PRKCZ: variants seen among roughly 807,000 people sequenced by gnomAD.
PRKCZ encodes the protein protein kinase C zeta, also known as protein kinase C zeta type.
In PRKCZ, 33 loss-of-function variants were observed where a neutral mutation model predicts 79.5. That is an observed-to-expected ratio of 0.41 (90% CI 0.31 to 0.55). The LOEUF is 0.55. Ranked by LOEUF, PRKCZ falls within the 20% of genes least tolerant of loss-of-function variation. PRKCZ has a pLI of 0.19. For synonymous variants in PRKCZ, 342 were observed against 320.9 expected (o/e 1.07, Z -0.70); for missense variants, 578 against 813.5 (o/e 0.71, Z 3.52).
chr1:2,074,232 AG>A, intron 4 of PRKCZ: 1 of 1,550,406 alleles, frequency 6.4e-7, no homozygotes, highest in Non-Finnish European at 8.7e-7. Context: ...CTTCTGAGCG[AG>A]GCAGGGGCTG....
intron 4 of PRKCZ, among the ~76,000 whole-genome samples, chr1:2,060,251 C>A (rs1407856324): frequency 1.3e-5 from 2 of 152,270 alleles, no homozygotes; most frequent in Non-Finnish European, 1.5e-5. Context: ...AGGCCGCTGC[C>A]TGTCCAGCGC....
intron 9 of PRKCZ, among the ~76,000 whole-genome samples, chr1:2,151,620 T>G (rs1344805759): frequency 6.6e-6 from 1 of 152,222 alleles, no homozygotes; most frequent in Non-Finnish European, 1.5e-5. Flanking sequence ...ACCAGCTGTT[T>G]CTAGGGGAGA....
intron 7 of PRKCZ, 92 bp downstream of exon 7, chr1:2,146,200 C>T (rs1678478799): frequency 2.3e-6 from 3 of 1,280,378 alleles, no homozygotes; most frequent in Non-Finnish European, 3.4e-6. Flanking sequence ...TTCTCAGTCC[C>T]ATCTGCTCTG....
At chr1:2,095,241 C>T (rs80126817) in intron 4 of PRKCZ, among the ~76,000 whole-genome samples, 3,804 of 152,286 alleles carry the variant, frequency 0.025, 172 homozygotes, top group East Asian at 0.13. Context: ...GCTGGTTTCC[C>T]TGAGGTTCCC....
chr1:2,090,562 A>G (rs1665315507), intron 4 of PRKCZ, among the ~76,000 whole-genome samples: 1 of 152,194 alleles, frequency 6.6e-6, no homozygotes. Flanking sequence ...CCCTGGGGTC[A>G]GAGCCCACCC....
chr1:2,121,225 G>C (rs79748977), intron 4 of PRKCZ, among the ~76,000 whole-genome samples: 1 of 152,186 alleles, frequency 6.6e-6, no homozygotes, highest in African/African-American at 2.4e-5. Context: ...CCAGTGTGGC[G>C]GGGGCAGTCT....
At chr1:2,095,668 C>T (rs1666332784) in intron 4 of PRKCZ, among the ~76,000 whole-genome samples, 1 of 151,908 alleles carries the variant, frequency 6.6e-6, no homozygotes, top group South Asian at 2.1e-4. Flanking sequence ...GGGCTCACGT[C>T]CGTGTGCTTG....
chr1:2,103,784 T>G (rs1571393873), intron 4 of PRKCZ, among the ~76,000 whole-genome samples: 1 of 152,138 alleles, frequency 6.6e-6, no homozygotes, highest in Non-Finnish European at 1.5e-5. Flanking sequence ...GAAGGGCCTC[T>G]GGGGCGGCGG....
chr1:2,062,073 G>A (rs1364030048), intron 4 of PRKCZ, among the ~76,000 whole-genome samples: 2 of 152,072 alleles, frequency 1.3e-5, no homozygotes, highest in Admixed American at 6.5e-5. Context: ...GGTTCAGACG[G>A]CTGGACGTGC....
intron 10 of PRKCZ, among the ~76,000 whole-genome samples, chr1:2,160,671 C>G (rs1682066650): frequency 6.6e-6 from 1 of 152,052 alleles, no homozygotes; most frequent in Admixed American, 6.5e-5. Context: ...GAGGGACCTG[C>G]TGGGCCTGTC....
chr1:2,107,638 C>T (rs1375629369), intron 4 of PRKCZ, among the ~76,000 whole-genome samples: 3 of 152,188 alleles, frequency 2.0e-5, no homozygotes, highest in Non-Finnish European at 4.4e-5. Context: ...GAGGATGAGC[C>T]CTGCGAGGTG....
chr1:2,098,738 G>C (rs982083770), intron 4 of PRKCZ, among the ~76,000 whole-genome samples: 5 of 152,280 alleles, frequency 3.3e-5, no homozygotes, highest in Admixed American at 2.0e-4. Flanking sequence ...CTGGAGTGCA[G>C]TGGCGTGATC....
At chr1:2,086,935 A>G (rs920999986) in intron 4 of PRKCZ, among the ~76,000 whole-genome samples, 3 of 152,204 alleles carry the variant, frequency 2.0e-5, no homozygotes, top group East Asian at 1.9e-4. Flanking sequence ...GCCTCCTGCC[A>G]TGCCCATGCC....
At chr1:2,050,280 G>A (rs566387243), upstream of PRKCZ, among the ~76,000 whole-genome samples, 23 of 151,646 alleles carry the variant, frequency 1.5e-4, no homozygotes, top group African/African-American at 4.6e-4. Flanking sequence ...CCATTGGGCC[G>A]CGGCCGGGTG....
intron 10 of PRKCZ, among the ~76,000 whole-genome samples, chr1:2,161,945 C>T (rs1682404849): frequency 1.3e-5 from 2 of 152,022 alleles, no homozygotes; most frequent in Admixed American, 1.3e-4. Context: ...AAAACAAGAG[C>T]CTCTTTATAA....
At chr1:2,129,085 T>C (rs3107155) in intron 4 of PRKCZ, among the ~76,000 whole-genome samples, 102,436 of 152,054 alleles carry the variant, frequency 0.67, 35,307 homozygotes, top group African/African-American at 0.83. Flanking sequence ...CATCCCTGCC[T>C]GCGGGCCCAG....
At chr1:2,171,187 C>T (rs950109282) in intron 11 of PRKCZ, among the ~76,000 whole-genome samples, 6 of 151,502 alleles carry the variant, frequency 4.0e-5, no homozygotes, top group African/African-American at 1.5e-4. Context: ...ACTAAAAATA[C>T]AAAAAATTAT....
At position 2,075,304 on chromosome 1, in the gene PRKCZ, C is replaced by T. The variant is rs2102333601; in HGVS notation, c.334+15713C>T. The stretch of plus-strand genomic sequence containing the variant: ...CACGATCCCTTGCGGTGTGAATACA[C>T]TGCTGGGGTGGGAGCGCCGTGGCCA... On this transcript the variant is annotated intron_variant, in intron 4 of 17. Transcript: ENST00000378567. This position sits in a 1 kb window ranked among gnomAD's most constrained non-coding sequence, Gnocchi z 4.8. 6.6e-6 allele frequency: 1 copy of T among 152,422 alleles called. No homozygotes were observed. The highest frequency in any genetic ancestry group is 1.9e-4 in the East Asian group (1 of 5,188). 9.4% of individuals were successfully genotyped at this position (152,422 alleles called of 1,614,324 possible).
intron 16 of PRKCZ, chr1:2,181,980 C>T: frequency 4.9e-6 from 2 of 405,166 alleles, no homozygotes; most frequent in South Asian, 3.5e-5. Context: ...GCACCGTCTC[C>T]TCCACCCAGT....
Sources: allele counts gnomAD v4.1 joint callset (sites outside exome capture counted in the v4.1 genomes callset), GRCh38; gene constraint gnomAD v4.1.1; non-coding constraint Gnocchi (gnomAD v3.1); transcripts MANE v1.5; gene names NCBI Gene and HGNC (gene_info 2026-07-23, HGNC 2026-07-21).